The following TXNDC11 variants were observed in gnomAD, a reference collection of about 807,000 sequenced individuals.
The protein encoded by TXNDC11 is thioredoxin domain-containing protein 11.
In TXNDC11, 68 loss-of-function variants were observed where a neutral mutation model predicts 78.0. That is an observed-to-expected ratio of 0.87 (90% CI 0.72 to 1.07). The LOEUF (loss-of-function observed/expected upper bound fraction) is 1.07. Among genes scored for constraint, TXNDC11 ranks in the 50% least tolerant of loss-of-function variants. TXNDC11 has a pLI of 0.00. For synonymous variants in TXNDC11, 571 were observed against 495.2 expected (o/e 1.15, Z -2.03); for missense variants, 1,389 against 1,221.8 (o/e 1.14, Z -2.04).
At chr16:11,705,370 G>A (rs1245459670) in intron 5 of TXNDC11, among the ~76,000 whole-genome samples, 2 of 152,174 alleles carry the variant, frequency 1.3e-5, no homozygotes, top group African/African-American at 4.8e-5. Flanking sequence ...TGTTTAAAGG[G>A]CATGGCATAT....
intron 5 of TXNDC11, 66 bp from the exon 6 acceptor site, chr16:11,700,630 T>G: frequency 2.5e-6 from 2 of 792,478 alleles, no homozygotes; most frequent in South Asian, 3.0e-5. Flanking sequence ...CAAAACCCAG[T>G]GATCAAGTCT....
intron 4 of TXNDC11, among the ~76,000 whole-genome samples, chr16:11,728,726 G>A (rs910315056): frequency 3.9e-5 from 6 of 152,066 alleles, no homozygotes; most frequent in African/African-American, 9.7e-5. Context: ...CAGAACGATC[G>A]CTTGAGCCGA....
Position 11,692,080 on chromosome 16 carries a change from G to T in TXNDC11, c.1110C>A (p.Ile370=), listed in dbSNP as rs1202164785. The T allele has an allele frequency of 5.3e-6, 8 of 1,521,658 alleles. No individual in the cohort carries two copies. The highest frequency in any genetic ancestry group is 7.0e-6 in the Non-Finnish European group (8 of 1,135,732). The allele number at this position is 1,521,658 out of a possible 1,614,324, so 94.3% of individuals were successfully genotyped here. Residue 370 remains isoleucine (I), a splice_region_variant and synonymous_variant, in exon 8 of 12, where the codon ATC becomes ATA. Coordinates refer to ENST00000283033, the MANE Select transcript of TXNDC11 (RefSeq NM_015914.7). ...TGTTGTACTCCAAGGCCACTTCGGT[G>T]ATCTGAAATACAGGGCAGAGTTGGT... is the stretch of plus-strand genomic sequence containing the variant. ...LAESHPLIDE[I]TEVALEYNNC... is the part of the protein sequence containing the mutation.
intron 1 of TXNDC11, among the ~76,000 whole-genome samples, chr16:11,740,423 C>A (rs1305128774): frequency 6.6e-6 from 1 of 152,216 alleles, no homozygotes; most frequent in Admixed American, 6.5e-5. Flanking sequence ...TCTCATTCTG[C>A]CTACTCTAGT....
intron 5 of TXNDC11, among the ~76,000 whole-genome samples, chr16:11,715,040 C>CAGGA (rs2051488072): frequency 6.6e-6 from 1 of 152,080 alleles, no homozygotes; most frequent in Admixed American, 6.5e-5. Flanking sequence ...TGCCTGAGCT[C>CAGGA]AGGAGTTCCA....
chr16:11,705,598 C>G (rs556109895), intron 5 of TXNDC11, among the ~76,000 whole-genome samples: 219 of 152,238 alleles, frequency 1.4e-3, no homozygotes, highest in African/African-American at 5.0e-3. Flanking sequence ...CAGCCTGACC[C>G]AAAAGTTAAA....
chr16:11,684,364 T>C, intron 10 of TXNDC11, 119 bp from the exon 11 acceptor site: 1 of 673,212 alleles, frequency 1.5e-6, no homozygotes. Flanking sequence ...ATTGGGCTAG[T>C]CCCTTCTCGA....
chr16:11,722,767 G>C (rs1338777558), intron 4 of TXNDC11, among the ~76,000 whole-genome samples: 1 of 152,190 alleles, frequency 6.6e-6, no homozygotes, highest in Non-Finnish European at 1.5e-5. Context: ...TTGTGGAAAT[G>C]AACTTGATCA....
chr16:11,681,277 C>A (rs1018149638), intron 11 of TXNDC11, among the ~76,000 whole-genome samples: 3 of 152,218 alleles, frequency 2.0e-5, no homozygotes, highest in African/African-American at 2.4e-5. Flanking sequence ...CCACGTTCTG[C>A]GGCACAAGCC....
chr16:11,712,988 T>G (rs1567327241), intron 5 of TXNDC11, among the ~76,000 whole-genome samples: 1 of 150,392 alleles, frequency 6.6e-6, no homozygotes, highest in East Asian at 2.0e-4. Flanking sequence ...GGTGCATGCC[T>G]GTAAATCCCA....
At chr16:11,730,843 G>C in intron 3 of TXNDC11, 69 bp from the exon 4 acceptor site, 1 of 1,205,526 alleles carries the variant, frequency 8.3e-7, no homozygotes, top group Non-Finnish European at 1.1e-6. Context: ...AGCCTGTAAT[G>C]TATAACTAAA....
chr16:11,681,068 A>T (rs986704651), intron 11 of TXNDC11, among the ~76,000 whole-genome samples: 2 of 152,202 alleles, frequency 1.3e-5, no homozygotes, highest in Non-Finnish European at 2.9e-5. Flanking sequence ...GCTACTTAGG[A>T]GCCTGAGGTG....
intron 5 of TXNDC11, among the ~76,000 whole-genome samples, chr16:11,720,504 C>T (rs2051671013): frequency 6.6e-6 from 1 of 150,998 alleles, no homozygotes; most frequent in African/African-American, 2.4e-5. Flanking sequence ...CAACCTCCGC[C>T]TCCCGGGTTC....
chr16:11,690,695 G>C (rs1368605681), intron 8 of TXNDC11: 1 of 152,758 alleles, frequency 6.5e-6, no homozygotes, highest in African/African-American at 2.4e-5. Context: ...TGGGACTACA[G>C]GCGCCCGCCA....
intron 1 of TXNDC11, 167 bp downstream of exon 1, chr16:11,742,310 G>A (rs922286037): frequency 6.0e-6 from 3 of 503,136 alleles, no homozygotes; most frequent in African/African-American, 4.0e-5. Flanking sequence ...GCCGGGGCGA[G>A]GAGAAGGTGG....
intron 5 of TXNDC11, among the ~76,000 whole-genome samples, chr16:11,701,121 AT>A (rs1332880386): frequency 7.1e-6 from 1 of 140,254 alleles, no homozygotes; most frequent in African/African-American, 2.7e-5. Context: ...CTTTGGCCCA[AT>A]GTCCTCTTTT....
chr16:11,695,559 G>A (rs1199228207), intron 7 of TXNDC11, among the ~76,000 whole-genome samples: 1 of 152,152 alleles, frequency 6.6e-6, no homozygotes, highest in Non-Finnish European at 1.5e-5. Context: ...CTTACCCAAA[G>A]GCTTCTTCAT....
rs2051712578 is a variant in TXNDC11, at chr16:11,721,670, G to C, written c.700C>G (p.Pro234Ala). The change falls in exon 5 of 12, where the codon CCT becomes GCT. Residue 234 changes from proline (P) to alanine (A), a missense_variant and splice_region_variant. Coordinates refer to ENST00000283033, the MANE Select transcript of TXNDC11 (RefSeq NM_015914.7). Reference protein sequence around the residue: ...ELLDFLSNYEPGVLGYFEFSG... With the variant: ...ELLDFLSNYEAGVLGYFEFSG... ...AACTCAAAGTACCCGAGTACTCCAGGCTGCAGGAAAAAGAGCAGAATTAGG... is the reference window on the plus strand; with the variant it reads ...AACTCAAAGTACCCGAGTACTCCAGCCTGCAGGAAAAAGAGCAGAATTAGG... 5 of 1,605,828 alleles carry C rather than the reference G, an allele frequency of 3.1e-6. No individual in the cohort carries two copies. Among genetic ancestry groups the C allele is most frequent in the African/African-American group, 1.3e-5 (1 of 74,820 alleles).
chr16:11,721,649 C>A lies in TXNDC11; in HGVS notation c.721G>T (p.Glu241Ter). The A allele has an allele frequency of 6.2e-7, 1 of 1,611,798 alleles. No homozygotes were observed. Among genetic ancestry groups the A allele is most frequent in the African/African-American group, 1.3e-5 (1 of 74,964 alleles). Residue 241 changes from glutamate to a stop codon, truncating the protein, a stop_gained, in exon 5 of 12, where the codon GAG (glutamate) becomes TAG (stop). Transcript: ENST00000283033. LOFTEE classifies it high-confidence loss of function. The part of the protein sequence containing the change: ...NYEPGVLGYF[E>*]FSGSPQPPGY... ...GGAGGCTGGGGTGAGCCACTGAACT[C>A]AAAGTACCCGAGTACTCCAGGCTGC...
Sources: allele counts gnomAD v4.1 joint callset (sites outside exome capture counted in the v4.1 genomes callset), GRCh38; gene constraint gnomAD v4.1.1; transcripts MANE v1.5; gene names NCBI Gene and HGNC (gene_info 2026-07-23, HGNC 2026-07-21).